The following TTC28 variants were observed in gnomAD, a reference collection of about 807,000 sequenced individuals.
The protein encoded by TTC28 is tetratricopeptide repeat domain 28.
In TTC28, 61 loss-of-function variants were observed where a neutral mutation model predicts 198.0. The ratio of observed to expected loss-of-function variants is 0.31; its 90% confidence interval spans 0.25 to 0.38. TTC28 has a LOEUF of 0.38. Ranked by LOEUF, TTC28 falls within the 10% of genes least tolerant of loss-of-function variation. The pLI, the probability that TTC28 is intolerant of heterozygous loss-of-function variation, is 1.00. For synonymous variants in TTC28, 1,171 were observed against 1,297.8 expected (o/e 0.90, Z 2.10); for missense variants, 2,678 against 3,164.0 (o/e 0.85, Z 3.69).
At chr22:28,284,182 C>A (rs2044637202) in intron 5 of TTC28, among the ~76,000 whole-genome samples, 1 of 152,028 alleles carries the variant, frequency 6.6e-6, no homozygotes, top group South Asian at 2.1e-4. Flanking sequence ...CATTACAGCA[C>A]CTTGTACATA....
At chr22:27,996,977 C>T (rs575009601) in intron 16 of TTC28, among the ~76,000 whole-genome samples, 33 of 152,222 alleles carry the variant, frequency 2.2e-4, no homozygotes, top group Non-Finnish European at 4.6e-4. Flanking sequence ...ATGCCATGCC[C>T]GTAAGCACAC....
intron 2 of TTC28, among the ~76,000 whole-genome samples, chr22:28,591,054 T>C (rs1455426092): frequency 1.2e-4 from 12 of 102,576 alleles, no homozygotes; most frequent in African/African-American, 2.4e-4. Flanking sequence ...TATATATATA[T>C]ATATATATAT....
In TTC28 at chr22:28,508,228, GA is replaced by G. The variant is rs972432181; in HGVS notation, c.381+121323del. ...AAATTTACCAAGCAAATGCAAAACA[GA>G]AAAAAAAAAGGGTCTCAATCCTGGT... is the stretch of plus-strand genomic sequence containing the variant. On this transcript the variant is annotated intron_variant, in intron 2 of 22. Transcript: ENST00000397906. 1.3e-4 allele frequency among the ~76,000 whole-genome samples: 19 copies of G among 141,788 alleles called. No homozygotes were observed. In the South Asian group the frequency reaches 1.4e-3, roughly 10 times the overall value. The allele number at this position is 141,788 out of a possible 152,430, so 93.0% of individuals were successfully genotyped here. A position where few individuals can be genotyped will look rare whatever the true frequency, so the allele number is the denominator to read the frequency against.
chr22:28,108,601 AC>A (rs1349337557), intron 6 of TTC28, among the ~76,000 whole-genome samples, 198 bp from the exon 7 acceptor site: 4 of 152,230 alleles, frequency 2.6e-5, no homozygotes, highest in African/African-American at 7.2e-5. Flanking sequence ...ACAGAAAAAA[AC>A]ATTTACTGAT....
chr22:28,119,375 A>G (rs1942724570), intron 6 of TTC28, among the ~76,000 whole-genome samples: 1 of 152,250 alleles, frequency 6.6e-6, no homozygotes, highest in African/African-American at 2.4e-5. Flanking sequence ...ATTTAGCTAG[A>G]GTACAACTCA....
intron 14 of TTC28, among the ~76,000 whole-genome samples, chr22:28,013,790 G>A (rs1938249357): frequency 6.6e-6 from 1 of 151,926 alleles, no homozygotes. Flanking sequence ...CACATCCACG[G>A]CCACATCCCC....
At position 28,473,170 on chromosome 22, in the gene TTC28, C is replaced by T. The variant is rs1601441432; in HGVS notation, c.381+156382G>A. Among the ~76,000 whole-genome samples, 3 of 152,216 alleles carry T rather than the reference C, an allele frequency of 2.0e-5. No homozygotes were observed. The South Asian group carries it at 6.2e-4, about 32-fold the overall frequency. On this transcript the variant is annotated intron_variant, in intron 2 of 22. Coordinates refer to ENST00000397906, the MANE Select transcript of TTC28 (RefSeq NM_001145418.2). ...AATAAAAATGAAAAAGGTATGAAAG[C>T]TGAAAATAATAAAGTCAACTAACTT...
chr22:28,007,157 C>G (rs547131506), intron 14 of TTC28: 1 of 152,210 alleles, frequency 6.6e-6, no homozygotes, highest in African/African-American at 2.4e-5. Flanking sequence ...CCAGATACCC[C>G]AGAACTGTGT....
At chr22:28,566,044 G>GT (rs1165193654) in intron 2 of TTC28, among the ~76,000 whole-genome samples, 1 of 152,174 alleles carries the variant, frequency 6.6e-6, no homozygotes, top group Non-Finnish European at 1.5e-5. Context: ...GGACAATATG[G>GT]TTTGGGGGGA....
chr22:28,604,721 G>C (rs769820228), intron 2 of TTC28, among the ~76,000 whole-genome samples: 3 of 151,870 alleles, frequency 2.0e-5, no homozygotes, highest in Non-Finnish European at 4.4e-5. Context: ...CTCCAGCCTG[G>C]GCAACAGAGC....
chr22:28,482,086 T>C (rs541547379), intron 2 of TTC28, among the ~76,000 whole-genome samples: 1 of 152,240 alleles, frequency 6.6e-6, no homozygotes, highest in East Asian at 1.9e-4. Context: ...GTGTGTTCCG[T>C]GTCAATCAAA....
chr22:28,083,928 T>C (rs544232390), intron 12 of TTC28, among the ~76,000 whole-genome samples: 1 of 152,380 alleles, frequency 6.6e-6, no homozygotes, highest in South Asian at 2.1e-4. Flanking sequence ...CACAGCAGTC[T>C]GAGATCAAAC....
At chr22:28,029,585 C>T (rs561649189) in intron 13 of TTC28, among the ~76,000 whole-genome samples, 3 of 152,316 alleles carry the variant, frequency 2.0e-5, no homozygotes, top group South Asian at 2.1e-4. Context: ...CAACCCCAAC[C>T]GCCTGCCCTG....
At chr22:28,286,621 T>A (rs548235083) in intron 5 of TTC28, among the ~76,000 whole-genome samples, 113 of 152,274 alleles carry the variant, frequency 7.4e-4, no homozygotes, top group African/African-American at 2.7e-3. Flanking sequence ...TTTACATCAA[T>A]AACTAATTCA....
chr22:28,529,932 T>C (rs2049095112), intron 2 of TTC28, among the ~76,000 whole-genome samples: 1 of 152,028 alleles, frequency 6.6e-6, no homozygotes, highest in Admixed American at 6.5e-5. Context: ...TAAAGGTAGA[T>C]AAAACCACAA....
rs1940465452 is a variant in TTC28, at chr22:28,060,256, C to T, written c.3933-29890G>A. Among the ~76,000 whole-genome samples the T allele has an allele frequency of 2.6e-5, 4 of 152,274 alleles. No individual in the cohort carries two copies. In the South Asian group the frequency reaches 6.2e-4, roughly 24 times the overall value. On this transcript the variant is annotated intron_variant, in intron 12 of 22. Transcript: ENST00000397906. ...ATGCTATCCTTCCCCCATCCCCCAACCCCACGACAGGCTCCGGTGTGTGAT... is the reference window on the plus strand; with the variant it reads ...ATGCTATCCTTCCCCCATCCCCCAATCCCACGACAGGCTCCGGTGTGTGAT...
At chr22:27,990,709 A>C in intron 20 of TTC28, 80 bp downstream of exon 20, 2 of 1,410,926 alleles carry the variant, frequency 1.4e-6, no homozygotes, top group African/African-American at 1.4e-5. Flanking sequence ...CCCCGAGCTC[A>C]GAGCCTGCCC....
At chr22:27,986,028 A>G (rs1406237712) in intron 21 of TTC28, 1 of 153,050 alleles carries the variant, frequency 6.5e-6, no homozygotes, top group African/African-American at 2.4e-5. Context: ...ACACATTAAG[A>G]GACATTACAG....
chr22:28,544,015 G>C (rs2049480804), intron 2 of TTC28, among the ~76,000 whole-genome samples: 1 of 152,200 alleles, frequency 6.6e-6, no homozygotes, highest in Non-Finnish European at 1.5e-5. Context: ...GAGGTCAGGA[G>C]TTTGAGACCA....
Sources: gnomAD v4.1 joint callset for allele counts (sites outside exome capture counted in the v4.1 genomes callset) on GRCh38, gnomAD v4.1.1 for gene constraint, MANE v1.5 for transcripts, NCBI Gene and HGNC (gene_info 2026-07-23, HGNC 2026-07-21) for gene names.